FAM107B: variants seen among roughly 807,000 people sequenced by gnomAD.
FAM107B encodes protein FAM107B.
In FAM107B, 21 loss-of-function variants were observed where a neutral mutation model predicts 31.5. The ratio of observed to expected loss-of-function variants is 0.67; its 90% CI spans 0.47 to 0.96. The LOEUF (loss-of-function observed/expected upper bound fraction) is 0.96. FAM107B is among the 40% of genes least tolerant of loss of function. FAM107B has a pLI of 0.00. For missense variants in FAM107B, 452 were observed against 377.1 expected (o/e 1.20, Z -1.64); for synonymous variants, 157 against 141.5 (o/e 1.11, Z -0.78).
chr10:14,642,548 T>G (rs1044181900), intron 2 of FAM107B, among the ~76,000 whole-genome samples: 1 of 152,216 alleles, frequency 6.6e-6, no homozygotes, highest in Non-Finnish European at 1.5e-5. Context: ...CGGTTCAAAC[T>G]GGCAGTGTTT....
intron 1 of FAM107B, among the ~76,000 whole-genome samples, chr10:14,760,667 AT>A (rs754761087): frequency 6.6e-6 from 1 of 151,646 alleles, no homozygotes; most frequent in African/African-American, 2.4e-5. Flanking sequence ...AGAACTCAAT[AT>A]CTAAAAGATG....
intron 1 of FAM107B, among the ~76,000 whole-genome samples, chr10:14,766,141 T>C (rs1833157083): frequency 6.6e-6 from 1 of 152,216 alleles, no homozygotes; most frequent in Non-Finnish European, 1.5e-5. Context: ...TTTCTGTTAA[T>C]AGATATCCGA....
At chr10:14,533,772 T>C (rs1847298592) in intron 2 of FAM107B, among the ~76,000 whole-genome samples, 1 of 152,252 alleles carries the variant, frequency 6.6e-6, no homozygotes, top group Non-Finnish European at 1.5e-5. Context: ...ACTTTAGTTC[T>C]GAATCTAGGA....
chr10:14,637,220 C>T (rs1002447592), intron 2 of FAM107B, among the ~76,000 whole-genome samples: 1 of 152,136 alleles, frequency 6.6e-6, no homozygotes, highest in African/African-American at 2.4e-5. Context: ...AGCACCCAGG[C>T]CTTTCCCTGT....
chr10:14,548,555 C>A, intron 2 of FAM107B: 1 of 985,462 alleles, frequency 1.0e-6, no homozygotes, highest in Non-Finnish European at 1.2e-6. Context: ...GGCTCTTCTC[C>A]TAGCCCTGCC....
intron 2 of FAM107B, among the ~76,000 whole-genome samples, chr10:14,620,934 CTTGG>C (rs1852995718): frequency 6.6e-6 from 1 of 152,106 alleles, no homozygotes; most frequent in Non-Finnish European, 1.5e-5. Context: ...CTAAGTATTT[CTTGG>C]TTTTGATGTT....
At chr10:14,710,004 C>T (rs1316742200) in intron 1 of FAM107B, among the ~76,000 whole-genome samples, 2 of 152,102 alleles carry the variant, frequency 1.3e-5, no homozygotes, top group Non-Finnish European at 2.9e-5. Context: ...ATGGTAGATA[C>T]ATATAGTTAG....
intron 2 of FAM107B, among the ~76,000 whole-genome samples, chr10:14,581,147 T>G (rs1315085031): frequency 6.6e-6 from 1 of 152,126 alleles, no homozygotes; most frequent in Admixed American, 6.5e-5. Context: ...CTGCAATCGG[T>G]CTGGTGCAGT....
rs550136029 is a variant in FAM107B at position 14,520,037 on chromosome 10, G to C, written c.*1153C>G. On this transcript the variant is annotated 3_prime_UTR_variant, in exon 5 of 5. Transcript: ENST00000181796. The stretch of plus-strand genomic sequence containing the variant: ...TGAGAGATGCAATATAGTAGTCATC[G>C]ACATCATCCTTATCAACAGCATCAT... 1 of 152,586 alleles carries C rather than the reference G, an allele frequency of 6.6e-6. No individual in the cohort carries two copies. Among genetic ancestry groups the C allele is most frequent in the African/African-American group, 2.4e-5 (1 of 41,410 alleles). The allele number at this position is 152,586 out of a possible 1,614,324, so 9.5% of individuals were successfully genotyped here.
intron 1 of FAM107B, among the ~76,000 whole-genome samples, chr10:14,705,496 G>A (rs944042093): frequency 3.3e-5 from 5 of 152,132 alleles, no homozygotes; most frequent in African/African-American, 9.7e-5. Flanking sequence ...TAAACAAAGT[G>A]TGGTCTAGCC....
intron 2 of FAM107B, among the ~76,000 whole-genome samples, chr10:14,544,252 A>G (rs1175640711): frequency 6.6e-6 from 1 of 152,220 alleles, no homozygotes; most frequent in East Asian, 1.9e-4. Context: ...CATACCGTAT[A>G]CGATAAATAA....
At chr10:14,742,002 C>G (rs1186078530) in intron 1 of FAM107B, among the ~76,000 whole-genome samples, 2 of 152,126 alleles carry the variant, frequency 1.3e-5, no homozygotes, top group Non-Finnish European at 2.9e-5. Flanking sequence ...GCATGAGCCA[C>G]CGCGTGCGGC....
intron 1 of FAM107B, among the ~76,000 whole-genome samples, chr10:14,697,153 A>G (rs1269027632): frequency 1.3e-5 from 2 of 152,200 alleles, no homozygotes; most frequent in Non-Finnish European, 2.9e-5. Flanking sequence ...GGCTGAGGCT[A>G]TGGAGTGCAA....
At chr10:14,720,976 C>T (rs945806255) in intron 1 of FAM107B, among the ~76,000 whole-genome samples, 1 of 152,032 alleles carries the variant, frequency 6.6e-6, no homozygotes, top group African/African-American at 2.4e-5. Context: ...GTATTTCTCC[C>T]AATGCTATCC....
intron 2 of FAM107B, among the ~76,000 whole-genome samples, chr10:14,649,281 C>T (rs1233232466): frequency 6.6e-6 from 1 of 152,168 alleles, no homozygotes; most frequent in African/African-American, 2.4e-5. Flanking sequence ...ATATTTTATC[C>T]CAAAATACAT....
At chr10:14,651,703 C>G (rs113773126) in intron 2 of FAM107B, among the ~76,000 whole-genome samples, 8 of 152,098 alleles carry the variant, frequency 5.3e-5, no homozygotes, top group African/African-American at 1.9e-4. Context: ...TTAATGACTT[C>G]CTTGAGACTG....
chr10:14,702,296 T>G (rs2131525538), intron 1 of FAM107B, among the ~76,000 whole-genome samples: 1 of 152,362 alleles, frequency 6.6e-6, no homozygotes, highest in South Asian at 2.1e-4. Context: ...TGCTGGAATG[T>G]TGTTGCTCCT....
At position 14,614,676 on chromosome 10, in the gene FAM107B, CAAAAAAAAA is replaced by C. The variant is rs576366601; in HGVS notation, c.469+52949_469+52957del. Among the ~76,000 whole-genome samples, 2 of 56,304 alleles carry C rather than the reference CAAAAAAAAA, an allele frequency of 3.6e-5. 1 individual carries two copies. Among genetic ancestry groups the C allele is most frequent in the African/African-American group, 1.3e-4 (2 of 15,050 alleles). The allele number at this position is 56,304 out of a possible 152,430, so 36.9% of individuals were successfully genotyped here. The stretch of plus-strand genomic sequence containing the variant: ...TGACACAGCAAGCGAGACTCTGTCT[CAAAAAAAAA>C]AAAAAAAAAAGAGACTTAGAGAAGG... On this transcript the variant is annotated intron_variant, in intron 2 of 4. Coordinates refer to ENST00000181796, the MANE Select transcript of FAM107B (RefSeq NM_031453.4).
chr10:14,625,802 GC>G (rs1206790147), intron 2 of FAM107B, among the ~76,000 whole-genome samples: 2 of 140,988 alleles, frequency 1.4e-5, no homozygotes, highest in African/African-American at 5.3e-5. Context: ...GAGTACTTTG[GC>G]CTAGACAGAT....
Sources: gnomAD v4.1 joint callset for allele counts (sites outside exome capture counted in the v4.1 genomes callset) on GRCh38, gnomAD v4.1.1 for gene constraint, MANE v1.5 for transcripts, NCBI Gene and HGNC (gene_info 2026-07-23, HGNC 2026-07-21) for gene names.